CDC40: variants seen among roughly 807,000 people sequenced by gnomAD.
CDC40 encodes pre-mRNA-processing factor 17.
A neutral mutation model predicts 80.6 loss-of-function variants in CDC40; 27 were observed. The ratio of observed to expected loss-of-function variants is 0.33; its 90% CI spans 0.25 to 0.46. CDC40 has a LOEUF of 0.46. Ranked by LOEUF, CDC40 falls within the 20% of genes least tolerant of loss-of-function variation. CDC40 has a pLI of 1.00. For synonymous variants in CDC40, 221 were observed against 232.6 expected (o/e 0.95, Z 0.45); for missense variants, 486 against 694.1 (o/e 0.70, Z 3.37).
intron 3 of CDC40, among the ~76,000 whole-genome samples, chr6:110,203,485 G>A (rs962978611): frequency 4.6e-5 from 7 of 152,166 alleles, no homozygotes; most frequent in Non-Finnish European, 1.0e-4. Flanking sequence ...TTATCTAACA[G>A]ACATACAGGA....
At chr6:110,220,415 C>T (rs1395140366) in intron 12 of CDC40, among the ~76,000 whole-genome samples, 10 of 151,466 alleles carry the variant, frequency 6.6e-5, no homozygotes, top group Admixed American at 4.6e-4. Flanking sequence ...TAGGGAGGCC[C>T]CACAATCATT....
At chr6:110,187,448 T>A (rs917010979) in intron 1 of CDC40, among the ~76,000 whole-genome samples, 5 of 152,216 alleles carry the variant, frequency 3.3e-5, no homozygotes, top group African/African-American at 7.2e-5. Flanking sequence ...ATGTGTGGTA[T>A]TTCCTATATT....
At chr6:110,181,348 G>A (rs1032063023) in intron 1 of CDC40, among the ~76,000 whole-genome samples, 2 of 152,212 alleles carry the variant, frequency 1.3e-5, no homozygotes, top group Non-Finnish European at 2.9e-5. Flanking sequence ...AAAGAGCCTA[G>A]TGGGTTTGAA....
intron 5 of CDC40, 85 bp from the exon 6 acceptor site, chr6:110,210,622 G>A: frequency 4.4e-6 from 2 of 459,584 alleles, no homozygotes; most frequent in Non-Finnish European, 7.3e-6. Context: ...ATATGTAGAA[G>A]TCATTATAAA....
chr6:110,206,056 ACTTACATCCT>A (rs1777557911), intron 3 of CDC40, among the ~76,000 whole-genome samples: 1 of 152,226 alleles, frequency 6.6e-6, no homozygotes, highest in African/African-American at 2.4e-5. Flanking sequence ...TGAGTTCAGC[ACTTACATCCT>A]TAGCTTGTTT....
chr6:110,223,177 T>A (rs1219827553), intron 12 of CDC40, among the ~76,000 whole-genome samples: 1 of 152,146 alleles, frequency 6.6e-6, no homozygotes, highest in Non-Finnish European at 1.5e-5. Flanking sequence ...CTTGAACTCC[T>A]GGGCTCAAGC....
Position 110,195,972 on chromosome 6 carries a change from G to A in CDC40, c.276+2704G>A, listed in dbSNP as rs759280684. 3.9e-5 allele frequency among the ~76,000 whole-genome samples: 6 copies of A among 152,214 alleles called. No homozygotes were observed. In the South Asian group the frequency reaches 6.2e-4, roughly 16 times the overall value. ...TTTTAAGAAGGTTTATTTGGTATGCGTTTGCATTATGGAAAAGAACAGGGA... is the reference window on the plus strand; with the variant it reads ...TTTTAAGAAGGTTTATTTGGTATGCATTTGCATTATGGAAAAGAACAGGGA... On this transcript the variant is annotated intron_variant, in intron 2 of 14. Coordinates refer to ENST00000307731, the MANE Select transcript of CDC40 (RefSeq NM_015891.3).
rs1478880644 is a variant in CDC40, at chr6:110,210,809, A to G, written c.727+6A>G. 6.8e-7 allele frequency: 1 copy of G among 1,470,588 alleles called. No individual in the cohort carries two copies. Among genetic ancestry groups the G allele is most frequent in the Non-Finnish European group, 9.1e-7 (1 of 1,094,592 alleles). The allele number at this position is 1,470,588 out of a possible 1,614,324, so 91.1% of individuals were successfully genotyped here. A position where few individuals can be genotyped will look rare whatever the true frequency, so the allele number is the denominator to read the frequency against. On this transcript the variant is annotated splice_donor_region_variant and intron_variant, in intron 6 of 14. Transcript: ENST00000307731. ...GGAGAAGACAATCTTACATGGTAAC[A>G]TATTTTTTGTACATCTTCATTTTTA... is the stretch of plus-strand genomic sequence containing the variant.
chr6:110,228,111 GTTC>G (rs1248421549), intron 13 of CDC40, among the ~76,000 whole-genome samples: 1 of 152,166 alleles, frequency 6.6e-6, no homozygotes, highest in African/African-American at 2.4e-5. Flanking sequence ...GCATGTTGCT[GTTC>G]TGAATAATGT....
intron 12 of CDC40, among the ~76,000 whole-genome samples, chr6:110,224,661 T>C (rs775041862): frequency 2.0e-5 from 3 of 152,366 alleles, no homozygotes; most frequent in Non-Finnish European, 4.4e-5. Context: ...AGTGCTGGGA[T>C]TACAGATGTG....
At chr6:110,229,538 C>T (rs913711508) in intron 14 of CDC40, among the ~76,000 whole-genome samples, 4 of 152,146 alleles carry the variant, frequency 2.6e-5, no homozygotes, top group Non-Finnish European at 4.4e-5. Context: ...ACCTCTGATT[C>T]AGTCTTAGAT....
chr6:110,206,156 G>A (rs1270879163), intron 3 of CDC40, among the ~76,000 whole-genome samples: 1 of 152,066 alleles, frequency 6.6e-6, no homozygotes, highest in East Asian at 1.9e-4. Context: ...GTGTGTGTGT[G>A]AGATGGAGTC....
At chr6:110,187,349 C>T (rs900370597) in intron 1 of CDC40, among the ~76,000 whole-genome samples, 2 of 152,160 alleles carry the variant, frequency 1.3e-5, no homozygotes, top group Non-Finnish European at 2.9e-5. Context: ...ATGTTACTTC[C>T]CCCGAATGTA....
chr6:110,218,786 A>C (rs896764414), intron 10 of CDC40, among the ~76,000 whole-genome samples: 2 of 151,850 alleles, frequency 1.3e-5, no homozygotes, highest in Non-Finnish European at 2.9e-5. Flanking sequence ...AAATACACAT[A>C]CAGTAAAATG....
At chr6:110,226,468 G>A (rs1446749884) in intron 13 of CDC40, among the ~76,000 whole-genome samples, 1 of 152,086 alleles carries the variant, frequency 6.6e-6, no homozygotes, top group African/African-American at 2.4e-5. Flanking sequence ...AAGAAACAAT[G>A]ATTTACAGCT....
chr6:110,185,241 C>CTTTTTTTTTTTTTTT lies in CDC40; in HGVS notation c.189+4612_189+4626dup, dbSNP rs1227694611. Among the ~76,000 whole-genome samples, 7 of 124,032 alleles carry CTTTTTTTTTTTTTTT rather than the reference C, an allele frequency of 5.6e-5. 1 individual carries two copies. Among genetic ancestry groups the CTTTTTTTTTTTTTTT allele is most frequent in the African/African-American group, 1.3e-4 (4 of 31,218 alleles). 81.4% of individuals were successfully genotyped at this position (124,032 alleles called of 152,430 possible). ...CCTTTCTTTTTCTTCATCTTTTTTT[C>CTTTTTTTTTTTTTTT]TTTTTTTTTTTTTTTTTTGGAGACG... On this transcript the variant is annotated intron_variant, in intron 1 of 14. Transcript: ENST00000307731.
At chr6:110,205,574 T>C (rs540382125) in intron 3 of CDC40, among the ~76,000 whole-genome samples, 18 of 152,170 alleles carry the variant, frequency 1.2e-4, no homozygotes, top group Non-Finnish European at 5.9e-5. Context: ...GAGGAAAGCA[T>C]AACTTATTTT....
chr6:110,210,319 G>T (rs1483911320), intron 5 of CDC40, among the ~76,000 whole-genome samples: 1 of 151,822 alleles, frequency 6.6e-6, no homozygotes, highest in Admixed American at 6.6e-5. Context: ...GGAGGCCGAG[G>T]CGGGCGCATT....
At chr6:110,192,862 G>C (rs1777369483) in intron 1 of CDC40, among the ~76,000 whole-genome samples, 4 of 152,208 alleles carry the variant, frequency 2.6e-5, no homozygotes, top group Admixed American at 2.6e-4. Context: ...GAATTTGGCA[G>C]TAGAGGTTCG....
Sources: gnomAD v4.1 joint callset for allele counts (sites outside exome capture counted in the v4.1 genomes callset) on GRCh38, gnomAD v4.1.1 for gene constraint, MANE v1.5 for transcripts, NCBI Gene and HGNC (gene_info 2026-07-23, HGNC 2026-07-21) for gene names.